Variants in MAP7D1 observed in about 807,000 individuals in gnomAD.
MAP7D1 encodes MAP7 domain-containing protein 1.
A neutral mutation model predicts 97.5 loss-of-function variants in MAP7D1; 30 were observed. The observed-to-expected ratio is 0.31, with a 90% CI of 0.23 to 0.42. The LOEUF (loss-of-function observed/expected upper bound fraction) is 0.42. MAP7D1 is among the 10% of genes least tolerant of loss of function. The pLI, the probability that MAP7D1 is intolerant of heterozygous loss-of-function variation, is 1.00. For synonymous variants in MAP7D1, 536 were observed against 477.1 expected (o/e 1.12, Z -1.61); for missense variants, 1,184 against 1,179.5 (o/e 1.00, Z -0.06).
At chr1:36,161,542 T>A (rs935250295) in intron 1 of MAP7D1, among the ~76,000 whole-genome samples, 2 of 152,216 alleles carry the variant, frequency 1.3e-5, no homozygotes, top group African/African-American at 2.4e-5. Context: ...GGTAATAATA[T>A]CTACCTCATA....
intron 1 of MAP7D1, among the ~76,000 whole-genome samples, chr1:36,161,877 ATGTGTGTGTG>A (rs10531948): frequency 3.6e-5 from 5 of 139,038 alleles, no homozygotes; most frequent in Non-Finnish European, 4.6e-5. Flanking sequence ...GTGTGTGTGT[ATGTGTGTGTG>A]TGTGTGTGTG....
At position 36,156,308 on chromosome 1, in the gene MAP7D1, TG is replaced by T. The variant is rs1644326967; in HGVS notation, c.-109del. 10 of 937,256 alleles carry T rather than the reference TG, an allele frequency of 1.1e-5. No homozygotes were observed. In the East Asian group the frequency reaches 2.4e-4, roughly 22 times the overall value. 58.1% of individuals were successfully genotyped at this position (937,256 alleles called of 1,614,324 possible). A position where few individuals can be genotyped will look rare whatever the true frequency, so the allele number is the denominator to read the frequency against. On this transcript the variant is annotated 5_prime_UTR_variant, in exon 1 of 17. Coordinates refer to ENST00000474796, the MANE Select transcript of MAP7D1 (RefSeq NM_001388490.1). ...GCGCCCCCGCCTCCGAGTCGCTACT[TG>T]CCGGGCCGGGCCGGGCCGGGCGTGA...
chr1:36,166,448 G>A (rs1644475841), intron 1 of MAP7D1, among the ~76,000 whole-genome samples: 1 of 149,274 alleles, frequency 6.7e-6, no homozygotes, highest in Non-Finnish European at 1.5e-5. Context: ...GGAGTGCAGT[G>A]GCGCTATCTT....
Position 36,156,391 on chromosome 1 carries a change from C to G in MAP7D1, c.-27C>G. 15 of 1,485,030 alleles carry G rather than the reference C, an allele frequency of 1.0e-5. No homozygotes were observed. The highest frequency in any genetic ancestry group is 1.3e-5 in the Non-Finnish European group (15 of 1,124,992). The allele number at this position is 1,485,030 out of a possible 1,614,324, so 92.0% of individuals were successfully genotyped here. On this transcript the variant is annotated 5_prime_UTR_variant, in exon 1 of 17. Transcript: ENST00000474796. ...CCGCCGCCGCCGCCGCCGCTGAGAC[C>G]CCGAGACCCCCAGTGACGCCGCAGC... is the stretch of plus-strand genomic sequence containing the variant.
intron 1 of MAP7D1, chr1:36,157,091 T>A (rs1345991169): frequency 6.6e-6 from 1 of 151,960 alleles, no homozygotes; most frequent in Non-Finnish European, 1.5e-5. Flanking sequence ...ACCCGCCGGA[T>A]AAAGGCGAGG....
At position 36,162,686 on chromosome 1, in the gene MAP7D1, A is replaced by T. The variant is rs537379016; in HGVS notation, c.46+6223A>T. On this transcript the variant is annotated intron_variant, in intron 1 of 16. Coordinates refer to ENST00000474796, the MANE Select transcript of MAP7D1 (RefSeq NM_001388490.1). ...TTCAGTAAATTAGTTTGGGCCTGGA[A>T]ACTGGCTGGGGACATGCAGGTTCTG... Among the ~76,000 whole-genome samples the T allele has an allele frequency of 4.5e-4, 69 of 152,300 alleles. 2 individuals are homozygous for T. In the South Asian group the frequency reaches 0.013, roughly 28 times the overall value.
In MAP7D1 at chr1:36,177,958, A is replaced by C. The variant is rs767558715; in HGVS notation, c.1465A>C (p.Thr489Pro). The C allele has an allele frequency of 4.4e-6, 7 of 1,599,642 alleles. No individual in the cohort carries two copies. Among genetic ancestry groups the C allele is most frequent in the Non-Finnish European group, 6.0e-6 (7 of 1,171,124 alleles). Residue 489 changes from threonine to proline, a missense_variant, in exon 9 of 17, where the codon ACT (threonine) becomes CCT (proline). By Grantham distance (38) the Thr-to-Pro change is conservative (BLOSUM62 -1). Transcript: ENST00000474796. ...SPCPSPGPGHTLPPKPPSPRG... is the reference protein window; with the variant it reads ...SPCPSPGPGHPLPPKPPSPRG... Reference sequence around the variant, plus strand: ...CTGCCCCAGCCCAGGGCCAGGCCACACTCTGCCTCCAAAGCCACCGTCCCC... The same window carrying C: ...CTGCCCCAGCCCAGGGCCAGGCCACCCTCTGCCTCCAAAGCCACCGTCCCC...
In MAP7D1 at chr1:36,176,659, A is replaced by G; in HGVS notation, c.1234-38A>G. On this transcript the variant is annotated intron_variant, in intron 7 of 16. Transcript: ENST00000474796. This position sits in a 1 kb window ranked among gnomAD's most constrained non-coding sequence, Gnocchi z 6.1. Reference sequence around the variant, plus strand: ...GAACTGGGGTACGCGGGCGCTGCTGACCTCTACTCTCCTCTTCCGTTCCTC... The same window carrying G: ...GAACTGGGGTACGCGGGCGCTGCTGGCCTCTACTCTCCTCTTCCGTTCCTC... 6.3e-7 allele frequency: 1 copy of G among 1,599,896 alleles called. No individual in the cohort carries two copies. Among genetic ancestry groups the G allele is most frequent in the Non-Finnish European group, 8.5e-7 (1 of 1,172,186 alleles).
At chr1:36,177,782 G>T in intron 8 of MAP7D1, 91 bp from the exon 9 acceptor site, 1 of 1,500,794 alleles carries the variant, frequency 6.7e-7, no homozygotes, top group Non-Finnish European at 8.9e-7. Flanking sequence ...GATGTAGCCT[G>T]GGGGAGGGGG....
Position 36,180,194 on chromosome 1 carries a change from A to C in MAP7D1, c.2513-54A>C. The C allele has an allele frequency of 3.7e-6, 6 of 1,613,542 alleles. No individual in the cohort carries two copies. The South Asian group carries it at 6.6e-5, about 18-fold the overall frequency. On this transcript the variant is annotated intron_variant, in intron 16 of 16. Coordinates refer to ENST00000474796, the MANE Select transcript of MAP7D1 (RefSeq NM_001388490.1). ...TGCTCCACCCTGAAGACCCCCAGCT[A>C]TCTGGGCTTGAGTGCTGTTTGCCCT...
At position 36,176,782 on chromosome 1, in the gene MAP7D1, G is replaced by T; in HGVS notation, c.1319G>T (p.Arg440Leu). ...GCCCGGGAGCGCAGCCTCAAGAAGC[G>T]CCAGTCGCTGCCCGCCTCCCCACGT... Reference protein sequence around the residue: ...ALARERSLKKRQSLPASPRAR... With the variant: ...ALARERSLKKLQSLPASPRAR... Residue 440 changes from arginine to leucine, a missense_variant, in exon 8 of 17, where the codon CGC (arginine) becomes CTC (leucine). Transcript: ENST00000474796. The surrounding 1 kb of genome is among the most constrained non-coding windows in gnomAD (Gnocchi z 6.1). The T allele has an allele frequency of 1.9e-6, 3 of 1,599,238 alleles. No individual in the cohort carries two copies. Among genetic ancestry groups the T allele is most frequent in the Non-Finnish European group, 2.6e-6 (3 of 1,174,136 alleles).
Position 36,176,504 on chromosome 1 carries a change from G to A in MAP7D1, c.1156G>A (p.Gly386Ser). 2 of 1,375,908 alleles carry A rather than the reference G, an allele frequency of 1.5e-6. No homozygotes were observed. The highest frequency in any genetic ancestry group is 3.4e-5 in the East Asian group (1 of 29,056). The allele number at this position is 1,375,908 out of a possible 1,614,324, so 85.2% of individuals were successfully genotyped here. ...TRSVHRCAPA[G>S]ERGERRKPNA... ...AAGCGTGCACCGCTGCGCCCCCGCC[G>A]GTGAGCGCGGGGAGCGCCGCAAGCC... is the stretch of plus-strand genomic sequence containing the variant. Residue 386 changes from glycine (G) to serine (S), a missense_variant, in exon 7 of 17, where the codon GGT becomes AGT. Physicochemically the swap from Gly to Ser is moderately conservative, Grantham distance 56. Transcript: ENST00000474796. This position sits in a 1 kb window ranked among gnomAD's most constrained non-coding sequence, Gnocchi z 6.1.
Position 36,176,747 on chromosome 1 carries a change from G to C in MAP7D1, c.1284G>C (p.Lys428Asn). ...AGGAGCGGGAAAACGAGAAGGAGAA[G>C]AGTGCCCTAGCCCGGGAGCGCAGCC... ...KDKERENEKEKSALARERSLK... is the reference protein window; with the variant it reads ...KDKERENEKENSALARERSLK... Residue 428 changes from lysine to asparagine, a missense_variant, in exon 8 of 17, where the codon AAG becomes AAC. Coordinates refer to ENST00000474796, the MANE Select transcript of MAP7D1 (RefSeq NM_001388490.1). This position sits in a 1 kb window ranked among gnomAD's most constrained non-coding sequence, Gnocchi z 6.1. The C allele has an allele frequency of 6.2e-7, 1 of 1,604,644 alleles. No individual in the cohort carries two copies. The highest frequency in any genetic ancestry group is 8.5e-7 in the Non-Finnish European group (1 of 1,176,298).
At position 36,179,306 on chromosome 1, in the gene MAP7D1, T is replaced by C; in HGVS notation, c.2175T>C (p.Ser725=). ...AGAGGACTCGGAAGTCAGAAGTTTC[T>C]GAAACCAAGGTCAGAATTCCCCCGA... The part of the protein sequence containing the change: ...IMKRTRKSEV[S]ETKKQDSKEA... The change falls in exon 13 of 17, where the codon TCT becomes TCC. Residue 725 remains serine, a synonymous_variant. Transcript: ENST00000474796. 1.2e-6 allele frequency: 2 copies of C among 1,613,960 alleles called. No homozygotes were observed. The highest frequency in any genetic ancestry group is 1.1e-5 in the South Asian group (1 of 91,050).
chr1:36,180,400 C>A lies in MAP7D1; in HGVS notation c.*142C>A, dbSNP rs1644700630. 6 of 1,127,016 alleles carry A rather than the reference C, an allele frequency of 5.3e-6. No homozygotes were observed. The highest frequency in any genetic ancestry group is 2.5e-5 in the South Asian group (2 of 78,722). 69.8% of individuals were successfully genotyped at this position (1,127,016 alleles called of 1,614,324 possible). A position where few individuals can be genotyped will look rare whatever the true frequency, so the allele number is the denominator to read the frequency against. Reference sequence around the variant, plus strand: ...GGTCCTCTCTGTTGTTTTTAATCTGCACCTTATAGACTGATGTCTCTTTGG... The same window carrying A: ...GGTCCTCTCTGTTGTTTTTAATCTGAACCTTATAGACTGATGTCTCTTTGG... On this transcript the variant is annotated 3_prime_UTR_variant, in exon 17 of 17. Transcript: ENST00000474796.
chr1:36,177,997 G>T lies in MAP7D1; in HGVS notation c.1504G>T (p.Ala502Ser). 1 of 1,612,836 alleles carries T rather than the reference G, an allele frequency of 6.2e-7. No homozygotes were observed. The highest frequency in any genetic ancestry group is 1.3e-5 in the African/African-American group (1 of 75,028). The change falls in exon 9 of 17, where the codon GCA (alanine) becomes TCA (serine). Residue 502 changes from alanine to serine, a missense_variant. Transcript: ENST00000474796. ...PKPPSPRGTT[A>S]SPKGRVRRKE... ...GCCACCGTCCCCCCGAGGCACCACTGCATCCCCCAAGGGGCGGGTTCGGAG... is the reference window on the plus strand; with the variant it reads ...GCCACCGTCCCCCCGAGGCACCACTTCATCCCCCAAGGGGCGGGTTCGGAG...
chr1:36,176,378 G>T lies in MAP7D1; in HGVS notation c.1030G>T (p.Ala344Ser). ...GTGGGGCCGGGCAGGGGCCAGCCTG[G>T]CGCGCGGGCCGCAACCCGACCGCAC... Reference protein sequence around the residue: ...PTWGRAGASLARGPQPDRTHP... With the variant: ...PTWGRAGASLSRGPQPDRTHP... The change falls in exon 7 of 17, where the codon GCG becomes TCG. Residue 344 changes from alanine (A) to serine (S), a missense_variant. By Grantham distance (99) the Ala-to-Ser change is moderately conservative. Coordinates refer to ENST00000474796, the MANE Select transcript of MAP7D1 (RefSeq NM_001388490.1). The surrounding 1 kb of genome is among the most constrained non-coding windows in gnomAD (Gnocchi z 6.1). 2 of 1,523,392 alleles carry T rather than the reference G, an allele frequency of 1.3e-6. No homozygotes were observed. The highest frequency in any genetic ancestry group is 8.8e-7 in the Non-Finnish European group (1 of 1,140,792). 94.4% of individuals were successfully genotyped at this position (1,523,392 alleles called of 1,614,324 possible). A position where few individuals can be genotyped will look rare whatever the true frequency, so the allele number is the denominator to read the frequency against.
At chr1:36,178,383 G>A (rs1210840544) in intron 9 of MAP7D1, 36 bp from the exon 10 acceptor site, 2 of 1,591,648 alleles carry the variant, frequency 1.3e-6, no homozygotes, top group Admixed American at 1.7e-5. Context: ...GTGTCTGCGT[G>A]GGTGTGCTGA....
In MAP7D1 at chr1:36,156,337, C is replaced by G; in HGVS notation, c.-81C>G. The G allele has an allele frequency of 8.0e-7, 1 of 1,243,940 alleles. No homozygotes were observed. The highest frequency in any genetic ancestry group is 1.6e-5 in the South Asian group (1 of 62,922). 77.1% of individuals were successfully genotyped at this position (1,243,940 alleles called of 1,614,324 possible). A position where few individuals can be genotyped will look rare whatever the true frequency, so the allele number is the denominator to read the frequency against. The stretch of plus-strand genomic sequence containing the variant: ...GGGCCGGGCCGGGCCGGGCGTGATG[C>G]GCCGCGGGACCCCTGTCCTGGCCAC... On this transcript the variant is annotated 5_prime_UTR_variant, in exon 1 of 17. Coordinates refer to ENST00000474796, the MANE Select transcript of MAP7D1 (RefSeq NM_001388490.1).
Sources: allele counts gnomAD v4.1 joint callset (sites outside exome capture counted in the v4.1 genomes callset), GRCh38; gene constraint gnomAD v4.1.1; non-coding constraint Gnocchi (gnomAD v3.1); transcripts MANE v1.5; gene names NCBI Gene and HGNC (gene_info 2026-07-23, HGNC 2026-07-21).